Variants in PCDH11X observed in about 807,000 individuals in gnomAD.
The protein encoded by PCDH11X is protocadherin-11 X-linked.
PCDH11X carries 18 observed loss-of-function variants against 53.3 expected under a neutral mutation model. The observed-to-expected ratio is 0.34, with a 90% CI of 0.23 to 0.50. PCDH11X has a LOEUF of 0.50. Ranked by LOEUF, PCDH11X falls within the 20% of genes least tolerant of loss-of-function variation. PCDH11X has a pLI of 0.98. For missense variants in PCDH11X, 570 were observed against 1,032.4 expected, an observed-to-expected ratio of 0.55 and a Z score of 6.14; for synonymous variants, 279 against 393.3, an observed-to-expected ratio of 0.71 and a Z score of 3.44.
chrX:92,256,015 G>A (rs1233622644), intron 7 of PCDH11X, among the ~76,000 whole-genome samples: 4 of 112,244 alleles, frequency 3.6e-5, no homozygotes, highest in Admixed American at 9.4e-5. Context: ...GGGCAATGGC[G>A]GGCGCCCCTC....
intron 6 of PCDH11X, among the ~76,000 whole-genome samples, chrX:92,065,059 A>G (rs1371892258): frequency 4.9e-5 from 5 of 101,863 alleles, no homozygotes; most frequent in African/African-American, 8.0e-5. Context: ...ATTGAACCCC[A>G]TTGCCTGAGG....
chrX:92,298,335 G>A, intron 8 of PCDH11X, among the ~76,000 whole-genome samples: 1 of 111,548 alleles, frequency 9.0e-6, no homozygotes, highest in Middle Eastern at 4.2e-3. Flanking sequence ...GCCTAGTTTG[G>A]TGAGTGTTTC....
At chrX:92,196,270 T>C (rs776910785) in intron 6 of PCDH11X, among the ~76,000 whole-genome samples, 1 of 112,288 alleles carries the variant, frequency 8.9e-6, no homozygotes, top group African/African-American at 3.2e-5. Context: ...AAGTAGCCAA[T>C]TTATTTTATA....
chrX:92,171,635 A>G (rs1327697308), intron 6 of PCDH11X, among the ~76,000 whole-genome samples: 10 of 109,597 alleles, frequency 9.1e-5, no homozygotes, highest in South Asian at 3.9e-4. Flanking sequence ...AATTTTTTGT[A>G]TTTTAGTAGA....
In PCDH11X at chrX:91,819,641, TC is replaced by T. The variant is rs1279768093; in HGVS notation, c.-45+8348del. On this transcript the variant is annotated intron_variant, in intron 4 of 10. Transcript: ENST00000682573. ...TCCAGCAAGCATTTCTTTTTTTTTT[TC>T]CTTTCTTTTTTTTATTTTTATTTTT... Among the ~76,000 whole-genome samples, 8 of 108,864 alleles carry T rather than the reference TC, an allele frequency of 7.3e-5. No individual in the cohort carries two copies. The East Asian group carries it at 1.7e-3, about 23-fold the overall frequency. 94.5% of individuals were successfully genotyped at this position (108,864 alleles called of 115,157 possible).
chrX:91,937,509 T>C (rs1400504337), intron 6 of PCDH11X, among the ~76,000 whole-genome samples: 2 of 111,248 alleles, frequency 1.8e-5, no homozygotes, highest in African/African-American at 6.5e-5. Flanking sequence ...TGTGAAATGA[T>C]TGCTACCAGT....
Position 91,908,273 on chromosome X carries a change from G to T in PCDH11X, c.3033+29000G>T, listed in dbSNP as rs1245811089. On this transcript the variant is annotated intron_variant, in intron 6 of 10. Transcript: ENST00000682573. ...TTTGCAAACCATGCATCCAATAAATGTCTAATATCCAGCCTCTATAAGAAA... is the reference window on the plus strand; with the variant it reads ...TTTGCAAACCATGCATCCAATAAATTTCTAATATCCAGCCTCTATAAGAAA... Among the ~76,000 whole-genome samples the T allele has an allele frequency of 5.4e-5, 6 of 111,459 alleles. No homozygotes were observed. The East Asian group carries it at 1.4e-3, about 26-fold the overall frequency.
rs139101046 is a variant in PCDH11X, at chrX:91,970,686, C to T, written c.3033+91413C>T. Among the ~76,000 whole-genome samples, 18 of 111,651 alleles carry T rather than the reference C, an allele frequency of 1.6e-4. No individual in the cohort carries two copies. In the East Asian group the frequency reaches 3.1e-3, roughly 19 times the overall value. On this transcript the variant is annotated intron_variant, in intron 6 of 10. Coordinates refer to ENST00000682573, the MANE Select transcript of PCDH11X (RefSeq NM_032968.5). ...GTAGTGCAGCACCTCATAGTGCAGC[C>T]GCTCCTAGGCACTGAATAAAGTTAG...
At chrX:92,049,671 C>T (rs2063338957) in intron 6 of PCDH11X, among the ~76,000 whole-genome samples, 2 of 111,844 alleles carry the variant, frequency 1.8e-5, no homozygotes, top group South Asian at 7.4e-4. Context: ...ATATTTTATA[C>T]TAAGGTAATT....
At chrX:92,186,086 G>T (rs1031310381) in intron 6 of PCDH11X, among the ~76,000 whole-genome samples, 21 of 111,464 alleles carry the variant, frequency 1.9e-4, no homozygotes, top group African/African-American at 6.2e-4. Context: ...ATACATGATA[G>T]CTAAGATATA....
At chrX:92,102,432 C>T (rs1357711400) in intron 6 of PCDH11X, among the ~76,000 whole-genome samples, 7 of 110,964 alleles carry the variant, frequency 6.3e-5, no homozygotes, top group Admixed American at 4.8e-4. Context: ...TCTGACCGCA[C>T]GAACCATGCC....
At chrX:92,109,080 C>T (rs35369975) in intron 6 of PCDH11X, among the ~76,000 whole-genome samples, 1 of 110,900 alleles carries the variant, frequency 9.0e-6, no homozygotes, top group African/African-American at 3.3e-5. Flanking sequence ...TGCTTGGGGA[C>T]TGGAGTTTTT....
At chrX:92,134,363 C>A (rs925834446) in intron 6 of PCDH11X, among the ~76,000 whole-genome samples, 7 of 111,087 alleles carry the variant, frequency 6.3e-5, no homozygotes, top group African/African-American at 2.3e-4. Flanking sequence ...CAGTTCCCAG[C>A]TTGACATTTC....
chrX:92,080,504 G>T (rs768640957), intron 6 of PCDH11X, among the ~76,000 whole-genome samples: 4 of 111,279 alleles, frequency 3.6e-5, no homozygotes, highest in Non-Finnish European at 7.5e-5. Context: ...TTGAGATCAT[G>T]GGGTAAAAAA....
At chrX:92,158,573 C>T (rs1418062188) in intron 6 of PCDH11X, among the ~76,000 whole-genome samples, 1 of 111,500 alleles carries the variant, frequency 9.0e-6, no homozygotes, top group African/African-American at 3.3e-5. Flanking sequence ...CTTTATTTGT[C>T]TTTGTATTTA....
At chrX:92,498,302 A>C (rs1015627528) in intron 10 of PCDH11X, among the ~76,000 whole-genome samples, 10 of 110,443 alleles carry the variant, frequency 9.1e-5, no homozygotes, top group Admixed American at 1.9e-4. Context: ...CAAAAGTATA[A>C]TGGTAACTTG....
rs1215146432 is a variant in PCDH11X, at chrX:92,296,639, A to G, written c.3144+33496A>G. On this transcript the variant is annotated intron_variant, in intron 8 of 10. Transcript: ENST00000682573. ...CCTATGTACCACATTGTTTTAATCC[A>G]GTATACTATTGATGGGTGTTTAGGT... Among the ~76,000 whole-genome samples, 3 of 109,293 alleles carry G rather than the reference A, an allele frequency of 2.7e-5. No individual in the cohort carries two copies. The East Asian group carries it at 8.7e-4, about 32-fold the overall frequency. 94.9% of individuals were successfully genotyped at this position (109,293 alleles called of 115,157 possible). A position where few individuals can be genotyped will look rare whatever the true frequency, so the allele number is the denominator to read the frequency against.
At chrX:92,559,927 A>G (rs765887125) in intron 10 of PCDH11X, among the ~76,000 whole-genome samples, 112 of 111,316 alleles carry the variant, frequency 1.0e-3, no homozygotes, top group African/African-American at 3.5e-3. Flanking sequence ...CTGGGCTTAG[A>G]GTCAGTGAAT....
chrX:91,944,268 T>C (rs2061544783), intron 6 of PCDH11X, among the ~76,000 whole-genome samples: 1 of 99,524 alleles, frequency 1.0e-5, no homozygotes, highest in African/African-American at 3.6e-5. Context: ...CTTGAAATTC[T>C]TATAAGGAGA....
Sources: gnomAD v4.1 joint callset for allele counts (sites outside exome capture counted in the v4.1 genomes callset) on GRCh38, gnomAD v4.1.1 for gene constraint, MANE v1.5 for transcripts, NCBI Gene and HGNC (gene_info 2026-07-23, HGNC 2026-07-21) for gene names.